Variants in PEBP4 observed in about 807,000 individuals in gnomAD.
The protein encoded by PEBP4 is phosphatidylethanolamine binding protein 4.
A neutral mutation model predicts 23.9 loss-of-function variants in PEBP4; 22 were observed. That is an observed-to-expected ratio of 0.92 (90% CI 0.66 to 1.31). The LOEUF is 1.31. Ranked by LOEUF, PEBP4 falls within the 40% of genes most tolerant of loss-of-function variation. The pLI, the probability that PEBP4 is intolerant of heterozygous loss-of-function variation, is 0.00. For missense variants in PEBP4, 324 were observed against 281.7 expected (o/e 1.15, Z -1.07); for synonymous variants, 112 against 99.3 (o/e 1.13, Z -0.76).
intron 3 of PEBP4, among the ~76,000 whole-genome samples, chr8:22,879,111 A>C (rs1005021485): frequency 1.3e-5 from 2 of 152,180 alleles, no homozygotes; most frequent in African/African-American, 4.8e-5. Flanking sequence ...CAGTGAATAG[A>C]TCTCAGCTAG....
intron 3 of PEBP4, among the ~76,000 whole-genome samples, chr8:22,864,881 G>A (rs938650273): frequency 4.6e-5 from 7 of 152,218 alleles, no homozygotes; most frequent in Non-Finnish European, 7.3e-5. Context: ...GACCCGCAGC[G>A]CACCCCATCT....
chr8:22,836,788 C>G (rs942511281), intron 3 of PEBP4, among the ~76,000 whole-genome samples: 2 of 151,846 alleles, frequency 1.3e-5, no homozygotes, highest in African/African-American at 2.4e-5. Context: ...CATCCGCAGC[C>G]AAGCAGGCAG....
At chr8:22,817,240 A>C (rs1806763595) in intron 4 of PEBP4, among the ~76,000 whole-genome samples, 1 of 152,236 alleles carries the variant, frequency 6.6e-6, no homozygotes, top group Non-Finnish European at 1.5e-5. Flanking sequence ...CACGTCTCAG[A>C]ATCCCCTCAG....
intron 4 of PEBP4, among the ~76,000 whole-genome samples, chr8:22,753,755 A>G (rs1345491528): frequency 6.6e-6 from 1 of 152,110 alleles, no homozygotes; most frequent in Non-Finnish European, 1.5e-5. Flanking sequence ...CCGCCTCAAC[A>G]TTGGCTTTGG....
chr8:22,925,593 G>C (rs1415768300), intron 2 of PEBP4, among the ~76,000 whole-genome samples: 2 of 152,156 alleles, frequency 1.3e-5, no homozygotes, highest in Non-Finnish European at 2.9e-5. Flanking sequence ...GACTTCCCAC[G>C]TGTGTCCCCA....
chr8:22,937,012 C>G (rs531757889), intron 1 of PEBP4, among the ~76,000 whole-genome samples: 3 of 152,254 alleles, frequency 2.0e-5, no homozygotes, highest in African/African-American at 7.2e-5. Flanking sequence ...TGACAGACTT[C>G]AAGTTTTCCT....
At chr8:22,758,996 G>C (rs1006028767) in intron 4 of PEBP4, among the ~76,000 whole-genome samples, 20 of 151,892 alleles carry the variant, frequency 1.3e-4, no homozygotes, top group African/African-American at 4.6e-4. Flanking sequence ...AGGACCATCT[G>C]CAGGGAGGGG....
chr8:22,818,409 G>GA (rs572560762), intron 3 of PEBP4, among the ~76,000 whole-genome samples: 31 of 152,216 alleles, frequency 2.0e-4, no homozygotes, highest in African/African-American at 7.0e-4. Context: ...GTTCTGGAAG[G>GA]AAAAAAATAG....
intron 4 of PEBP4, among the ~76,000 whole-genome samples, chr8:22,790,593 G>C (rs371815559): frequency 2.0e-5 from 3 of 152,164 alleles, no homozygotes; most frequent in African/African-American, 7.2e-5. Context: ...GGGATCACGT[G>C]GGGTGGAGGG....
intron 3 of PEBP4, chr8:22,897,925 A>G (rs1265825011): frequency 6.6e-6 from 1 of 152,170 alleles, no homozygotes; most frequent in South Asian, 2.1e-4. Flanking sequence ...CAGTACCCCT[A>G]TAAGAAAAGA....
At chr8:22,863,270 A>G (rs541135985) in intron 3 of PEBP4, among the ~76,000 whole-genome samples, 2 of 152,136 alleles carry the variant, frequency 1.3e-5, no homozygotes, top group East Asian at 3.9e-4. Flanking sequence ...GGAGTCCCTC[A>G]TGCTCCCTTC....
chr8:22,804,024 T>G (rs948241255), intron 4 of PEBP4, among the ~76,000 whole-genome samples: 3 of 152,156 alleles, frequency 2.0e-5, no homozygotes, highest in Non-Finnish European at 4.4e-5. Context: ...GCTAGATAGA[T>G]CTTTTAAAAG....
At chr8:22,714,579 T>A (rs2128747380) in intron 6 of PEBP4, among the ~76,000 whole-genome samples, 1 of 151,964 alleles carries the variant, frequency 6.6e-6, no homozygotes, top group Admixed American at 6.6e-5. Context: ...CCTCCCAGGG[T>A]GGAGAGAGAG....
intron 3 of PEBP4, among the ~76,000 whole-genome samples, chr8:22,903,121 CA>C (rs1244229944): frequency 6.6e-6 from 1 of 152,152 alleles, no homozygotes; most frequent in Non-Finnish European, 1.5e-5. Context: ...ATAGCTTAAG[CA>C]AGAAGAATCA....
At position 22,867,624 on chromosome 8, in the gene PEBP4, G is replaced by A. The variant is rs536459551; in HGVS notation, c.259-49889C>T. ...TTCCCCCTCTGGCTCCAGCCTTCTT[G>A]GAAACAAGCCTGACCCCTCCTCCAA... On this transcript the variant is annotated intron_variant, in intron 3 of 6. Coordinates refer to ENST00000256404, the MANE Select transcript of PEBP4 (RefSeq NM_144962.3). 4.6e-5 allele frequency among the ~76,000 whole-genome samples: 7 copies of A among 152,218 alleles called. No individual in the cohort carries two copies. In the South Asian group the frequency reaches 1.2e-3, roughly 27 times the overall value.
intron 6 of PEBP4, among the ~76,000 whole-genome samples, chr8:22,718,736 G>C (rs1226701235): frequency 2.6e-5 from 4 of 152,162 alleles, no homozygotes; most frequent in African/African-American, 7.2e-5. Context: ...GGGAGGTCAC[G>C]AGGGTGGGCT....
chr8:22,728,468 T>G (rs1278375907), intron 4 of PEBP4, among the ~76,000 whole-genome samples: 1 of 152,184 alleles, frequency 6.6e-6, no homozygotes, highest in African/African-American at 2.4e-5. Flanking sequence ...GTACTTTGTC[T>G]TCTTCACCTG....
chr8:22,732,634 TTG>T lies in PEBP4; in HGVS notation c.358-5416_358-5415del, dbSNP rs61376190. On this transcript the variant is annotated intron_variant, in intron 4 of 6. Coordinates refer to ENST00000256404, the MANE Select transcript of PEBP4 (RefSeq NM_144962.3). ...CCTTTTTCCTAGAAGCTGGCCCCAT[TTG>T]TGTGTGTGTGTGTGTGTGTGTGTGT... is the stretch of plus-strand genomic sequence containing the variant. Among the ~76,000 whole-genome samples the T allele has an allele frequency of 9.1e-3, 1,355 of 149,210 alleles. 26 individuals are homozygous for T. Among genetic ancestry groups the T allele is most frequent in the African/African-American group, 0.032 (1,294 of 39,822 alleles).
At chr8:22,762,156 T>C (rs556296225) in intron 4 of PEBP4, among the ~76,000 whole-genome samples, 3 of 152,290 alleles carry the variant, frequency 2.0e-5, no homozygotes, top group African/African-American at 7.2e-5. Context: ...TTCATTAATT[T>C]AAAGAAAAGA....
Sources: allele counts gnomAD v4.1 joint callset (sites outside exome capture counted in the v4.1 genomes callset), GRCh38; gene constraint gnomAD v4.1.1; transcripts MANE v1.5; gene names NCBI Gene and HGNC (gene_info 2026-07-23, HGNC 2026-07-21).